The following PELI2 variants were observed in gnomAD, a reference collection of about 807,000 sequenced individuals.
PELI2 encodes the protein pellino E3 ubiquitin protein ligase family member 2.
A neutral mutation model predicts 42.3 loss-of-function variants in PELI2; 23 were observed. That is an observed-to-expected ratio of 0.54 (90% CI 0.39 to 0.77). The LOEUF (loss-of-function observed/expected upper bound fraction) is 0.77, where lower values mean the gene tolerates loss of function less well. PELI2 is among the 30% of genes least tolerant of loss of function. The probability of loss-of-function intolerance (pLI) is 0.00; values close to 1 mark genes in which losing one functional copy is unlikely to be tolerated. For missense variants in PELI2, 463 were observed against 553.2 expected, an observed-to-expected ratio of 0.84 and a Z score of 1.64; for synonymous variants, 245 against 212.2, an observed-to-expected ratio of 1.15 and a Z score of -1.34.
At chr14:56,210,267 T>G (rs1886667984) in intron 2 of PELI2, among the ~76,000 whole-genome samples, 1 of 151,950 alleles carries the variant, frequency 6.6e-6, no homozygotes, top group Non-Finnish European at 1.5e-5. Context: ...CCGTCTGCAA[T>G]TGGAACTTGT....
In PELI2 at chr14:56,121,386, G is replaced by A. The variant is rs1331993060; in HGVS notation, c.77+2649G>A. Among the ~76,000 whole-genome samples, 4 of 152,078 alleles carry A rather than the reference G, an allele frequency of 2.6e-5. No homozygotes were observed. In the East Asian group the frequency reaches 7.7e-4, roughly 29 times the overall value. On this transcript the variant is annotated intron_variant, in intron 1 of 5. Coordinates refer to ENST00000267460, the MANE Select transcript of PELI2 (RefSeq NM_021255.3). ...TAAATACTTCTATATCTTTTTGTGTGTTACACAGTATTATTAAGAGATTCC... is the reference window on the plus strand; with the variant it reads ...TAAATACTTCTATATCTTTTTGTGTATTACACAGTATTATTAAGAGATTCC...
chr14:56,123,080 A>G (rs1361979852), intron 1 of PELI2, among the ~76,000 whole-genome samples: 1 of 152,184 alleles, frequency 6.6e-6, no homozygotes, highest in Non-Finnish European at 1.5e-5. Context: ...GATAAGCTCT[A>G]CAAAAGGAGG....
At chr14:56,124,412 A>G (rs1307587566) in intron 1 of PELI2, among the ~76,000 whole-genome samples, 5 of 152,230 alleles carry the variant, frequency 3.3e-5, no homozygotes, top group East Asian at 1.9e-4. Flanking sequence ...CCAGGAATGT[A>G]TGCATTCAGC....
At chr14:56,167,568 C>A (rs922777845) in intron 1 of PELI2, among the ~76,000 whole-genome samples, 7 of 152,136 alleles carry the variant, frequency 4.6e-5, no homozygotes, top group African/African-American at 1.7e-4. Flanking sequence ...ATTCTGAATT[C>A]CTTCTCTGTG....
chr14:56,242,342 A>T lies in PELI2; in HGVS notation c.208-37334A>T, dbSNP rs150790379. On this transcript the variant is annotated intron_variant, in intron 2 of 5. Transcript: ENST00000267460. ...CGTAGCCATGAAAACAGTGACTATC[A>T]ATTGAAAACAAAATTATTTTATATT... is the stretch of plus-strand genomic sequence containing the variant. Among the ~76,000 whole-genome samples the T allele has an allele frequency of 4.5e-3, 682 of 152,344 alleles. 5 individuals carry two copies. The highest frequency in any genetic ancestry group is 0.015 in the African/African-American group (631 of 41,564).
intron 1 of PELI2, among the ~76,000 whole-genome samples, chr14:56,135,204 G>T (rs10134667): frequency 7.7e-4 from 117 of 152,292 alleles, no homozygotes; most frequent in African/African-American, 2.7e-3. Flanking sequence ...TGAGGGCCCC[G>T]TGAGTAGAAG....
chr14:56,209,590 C>T (rs1259811038), intron 2 of PELI2, among the ~76,000 whole-genome samples: 3 of 151,530 alleles, frequency 2.0e-5, no homozygotes, highest in Non-Finnish European at 4.4e-5. Context: ...TTTTTGTAAG[C>T]GAATAAATGA....
chr14:56,212,424 C>T (rs1886743380), intron 2 of PELI2, among the ~76,000 whole-genome samples: 1 of 152,214 alleles, frequency 6.6e-6, no homozygotes, highest in Non-Finnish European at 1.5e-5. Flanking sequence ...GCCCTGATGT[C>T]GTTGCCATGT....
At chr14:56,249,213 G>A (rs1049106386) in intron 2 of PELI2, among the ~76,000 whole-genome samples, 25 of 151,582 alleles carry the variant, frequency 1.6e-4, no homozygotes, top group Middle Eastern at 3.4e-3. Context: ...AAATTCAAGC[G>A]GTATTGAGCA....
chr14:56,243,912 C>G (rs1263610088), intron 2 of PELI2, among the ~76,000 whole-genome samples: 2 of 152,128 alleles, frequency 1.3e-5, no homozygotes, highest in Non-Finnish European at 2.9e-5. Flanking sequence ...TAATGACTTT[C>G]TGAAAATTGA....
At position 56,201,113 on chromosome 14, in the gene PELI2, A is replaced by G. The variant is rs538829889; in HGVS notation, c.207+22649A>G. Among the ~76,000 whole-genome samples, 13 of 135,216 alleles carry G rather than the reference A, an allele frequency of 9.6e-5. No individual in the cohort carries two copies. The East Asian group carries it at 1.0e-3, about 11-fold the overall frequency. The allele number at this position is 135,216 out of a possible 152,430, so 88.7% of individuals were successfully genotyped here. On this transcript the variant is annotated intron_variant, in intron 2 of 5. Coordinates refer to ENST00000267460, the MANE Select transcript of PELI2 (RefSeq NM_021255.3). Reference sequence around the variant, plus strand: ...GGAGGCCTGGAACATGCGCCCTGCAATGTGGCTCCAGATAAATGTTCACTG... The same window carrying G: ...GGAGGCCTGGAACATGCGCCCTGCAGTGTGGCTCCAGATAAATGTTCACTG...
chr14:56,206,519 TAAA>T (rs113131410), intron 2 of PELI2, among the ~76,000 whole-genome samples: 140,501 of 151,858 alleles, frequency 0.93, 65,356 homozygotes, highest in African/African-American at 0.98. Context: ...AAATGACTCT[TAAA>T]AATGTGTTAT....
intron 2 of PELI2, among the ~76,000 whole-genome samples, chr14:56,238,188 G>A (rs1023342951): frequency 6.6e-6 from 1 of 152,172 alleles, no homozygotes; most frequent in Admixed American, 6.5e-5. Flanking sequence ...TAGGTATTCA[G>A]TTATAATTAA....
intron 1 of PELI2, among the ~76,000 whole-genome samples, chr14:56,170,396 T>G (rs988358960): frequency 6.6e-6 from 1 of 152,242 alleles, no homozygotes; most frequent in African/African-American, 2.4e-5. Context: ...AAAATTCTTA[T>G]TGACAAATAC....
chr14:56,290,493 A>G, intron 5 of PELI2, 37 bp downstream of exon 5: 6 of 1,480,796 alleles, frequency 4.1e-6, no homozygotes, highest in Non-Finnish European at 5.5e-6. Flanking sequence ...GAAGTACGAA[A>G]CTACTCAAGC....
intron 1 of PELI2, among the ~76,000 whole-genome samples, chr14:56,124,541 C>T (rs1883180675): frequency 6.6e-6 from 1 of 152,174 alleles, no homozygotes; most frequent in South Asian, 2.1e-4. Flanking sequence ...TTGTGAATAA[C>T]CGTTACTGAT....
intron 2 of PELI2, among the ~76,000 whole-genome samples, chr14:56,221,928 A>G (rs1385073289): frequency 2.6e-5 from 4 of 152,236 alleles, no homozygotes; most frequent in African/African-American, 9.6e-5. Context: ...GAGGAACTCC[A>G]TGAAGTTTAG....
chr14:56,248,998 T>G (rs970701898), intron 2 of PELI2, among the ~76,000 whole-genome samples: 1 of 152,184 alleles, frequency 6.6e-6, no homozygotes, highest in African/African-American at 2.4e-5. Context: ...TTTTGGTGTT[T>G]GTGTTTCCGT....
intron 2 of PELI2, among the ~76,000 whole-genome samples, chr14:56,228,453 A>G (rs889037711): frequency 6.6e-6 from 1 of 152,328 alleles, no homozygotes; most frequent in East Asian, 1.9e-4. Flanking sequence ...CCTAAGTTGA[A>G]TATCTTTTAT....
Sources: allele counts gnomAD v4.1 joint callset (sites outside exome capture counted in the v4.1 genomes callset), GRCh38; gene constraint gnomAD v4.1.1; transcripts MANE v1.5; gene names NCBI Gene and HGNC (gene_info 2026-07-23, HGNC 2026-07-21).